SSBP2: variants seen among roughly 807,000 people sequenced by gnomAD.
SSBP2 encodes the protein single-stranded DNA-binding protein 2.
SSBP2 carries 17 observed loss-of-function variants against 61.8 expected under a neutral mutation model. That is an observed-to-expected ratio of 0.28 (90% CI 0.19 to 0.41). The LOEUF (loss-of-function observed/expected upper bound fraction) is 0.41. Ranked by LOEUF, SSBP2 falls within the 10% of genes least tolerant of loss-of-function variation. The pLI, the probability that SSBP2 is intolerant of heterozygous loss-of-function variation, is 1.00. For synonymous variants in SSBP2, 139 were observed against 141.3 expected (o/e 0.98, Z 0.12); for missense variants, 310 against 458.7 (o/e 0.68, Z 2.96).
In SSBP2 at chr5:81,418,166, A is replaced by C. The variant is rs999610368; in HGVS notation, c.*2338T>G. On this transcript the variant is annotated 3_prime_UTR_variant, in exon 17 of 17. Transcript: ENST00000320672. ...TTATATGATTGTCATAAAATATGAA[A>C]GTCAAAATTCTTCTTGGTAAAGTCA... 1.3e-5 allele frequency: 2 copies of C among 152,250 alleles called. No individual in the cohort carries two copies. Among genetic ancestry groups the C allele is most frequent in the African/African-American group, 2.4e-5 (1 of 41,474 alleles). The allele number at this position is 152,250 out of a possible 1,614,324, so 9.4% of individuals were successfully genotyped here.
intron 1 of SSBP2, among the ~76,000 whole-genome samples, chr5:81,735,728 AT>A (rs1756556533): frequency 6.6e-6 from 1 of 152,196 alleles, no homozygotes; most frequent in Non-Finnish European, 1.5e-5. Flanking sequence ...TAAAGAATTC[AT>A]GCTTTACAAA....
chr5:81,672,446 TA>T (rs1397612695), intron 1 of SSBP2, among the ~76,000 whole-genome samples: 6 of 152,078 alleles, frequency 3.9e-5, no homozygotes, highest in Non-Finnish European at 8.8e-5. Flanking sequence ...TTGTCTAAAA[TA>T]AATGTTTAAG....
chr5:81,465,012 T>C (rs767726002), intron 9 of SSBP2, among the ~76,000 whole-genome samples: 3 of 152,024 alleles, frequency 2.0e-5, no homozygotes, highest in African/African-American at 4.8e-5. Flanking sequence ...AATATAATAG[T>C]TACACTCTTA....
At chr5:81,525,982 T>C (rs1373199732) in intron 4 of SSBP2, among the ~76,000 whole-genome samples, 3 of 152,104 alleles carry the variant, frequency 2.0e-5, no homozygotes, top group Admixed American at 2.0e-4. Context: ...TGAATCATTG[T>C]AATTTTAGTT....
chr5:81,573,254 A>G (rs1773962329), intron 4 of SSBP2, among the ~76,000 whole-genome samples: 1 of 152,246 alleles, frequency 6.6e-6, no homozygotes, highest in South Asian at 2.1e-4. Flanking sequence ...TGTGAGGTAC[A>G]TATACATGGA....
chr5:81,688,164 T>C (rs190777602), intron 1 of SSBP2, among the ~76,000 whole-genome samples: 94 of 152,134 alleles, frequency 6.2e-4, no homozygotes, highest in African/African-American at 1.9e-3. Context: ...CCTGGGGTAA[T>C]AGGAGCCACA....
intron 1 of SSBP2, among the ~76,000 whole-genome samples, chr5:81,728,770 C>A (rs373751488): frequency 1.3e-5 from 2 of 152,114 alleles, no homozygotes; most frequent in Non-Finnish European, 2.9e-5. Context: ...AATTAACTTG[C>A]GCAAATGTCC....
In SSBP2 at chr5:81,678,918, TAAAG is replaced by T. The variant is rs1215380107; in HGVS notation, c.63-28583_63-28580del. On this transcript the variant is annotated intron_variant, in intron 1 of 16. Coordinates refer to ENST00000320672, the MANE Select transcript of SSBP2 (RefSeq NM_012446.5). ...AATTTTAAAATAAATTTTTCAGAGA[TAAAG>T]AAATTAACATCTGTCAGACTTGGGT... is the stretch of plus-strand genomic sequence containing the variant. Among the ~76,000 whole-genome samples the T allele has an allele frequency of 2.6e-5, 4 of 152,178 alleles. No individual in the cohort carries two copies. The South Asian group carries it at 6.2e-4, about 24-fold the overall frequency.
chr5:81,430,386 CAA>C (rs1413305737), intron 15 of SSBP2, among the ~76,000 whole-genome samples: 2 of 152,082 alleles, frequency 1.3e-5, no homozygotes, highest in Non-Finnish European at 2.9e-5. Flanking sequence ...CACAGTCAAA[CAA>C]AAGAGTAAAA....
At chr5:81,453,844 G>A (rs2153984754) in intron 10 of SSBP2, among the ~76,000 whole-genome samples, 1 of 152,192 alleles carries the variant, frequency 6.6e-6, no homozygotes, top group East Asian at 1.9e-4. Flanking sequence ...TAAAAATATG[G>A]AAAACTAAAG....
rs115975383 is a variant in SSBP2, at chr5:81,581,284, A to C, written c.282+34189T>G. Reference sequence around the variant, plus strand: ...CATATAATCCCTGAGGACATGAAGAATACTAAAGAGGCGACAGGATGGATA... The same window carrying C: ...CATATAATCCCTGAGGACATGAAGACTACTAAAGAGGCGACAGGATGGATA... On this transcript the variant is annotated intron_variant, in intron 4 of 16. Transcript: ENST00000320672. 4.1e-3 allele frequency among the ~76,000 whole-genome samples: 622 copies of C among 152,346 alleles called. 3 individuals carry two copies. The highest frequency in any genetic ancestry group is 0.014 in the African/African-American group (593 of 41,580).
At chr5:81,741,017 G>A (rs886733067) in intron 1 of SSBP2, among the ~76,000 whole-genome samples, 3 of 151,942 alleles carry the variant, frequency 2.0e-5, no homozygotes, top group Non-Finnish European at 4.4e-5. Flanking sequence ...CAATTTTTCC[G>A]CCATGTTAAG....
At chr5:81,656,342 G>A (rs984428849) in intron 1 of SSBP2, among the ~76,000 whole-genome samples, 11 of 152,044 alleles carry the variant, frequency 7.2e-5, no homozygotes, top group South Asian at 2.1e-4. Context: ...GAGCCATCAC[G>A]CCTGGCCAGA....
At chr5:81,485,112 A>G (rs944216826) in intron 6 of SSBP2, among the ~76,000 whole-genome samples, 6 of 152,180 alleles carry the variant, frequency 3.9e-5, no homozygotes, top group African/African-American at 1.4e-4. Context: ...CATGGGAAGG[A>G]TAAAGACTTG....
chr5:81,750,926 G>A lies in SSBP2; in HGVS notation c.62+55C>T, dbSNP rs1757725805. 8 of 1,535,424 alleles carry A rather than the reference G, an allele frequency of 5.2e-6. No individual in the cohort carries two copies. The South Asian group carries it at 5.9e-5, about 11-fold the overall frequency. On this transcript the variant is annotated intron_variant, in intron 1 of 16. Transcript: ENST00000320672. ...TGTCTCCCAGAGTGTGCGAGTGCGT[G>A]CGTGAGTGTGCGCGCGTGTGAAGGC... is the stretch of plus-strand genomic sequence containing the variant.
At chr5:81,451,637 G>A (rs1763779990) in intron 10 of SSBP2, among the ~76,000 whole-genome samples, 2 of 152,192 alleles carry the variant, frequency 1.3e-5, no homozygotes, top group Admixed American at 1.3e-4. Flanking sequence ...ATGTTGGCCA[G>A]GCGGGTCTCG....
At chr5:81,439,667 G>GTTT (rs61650905) in intron 14 of SSBP2, among the ~76,000 whole-genome samples, 16 of 100,152 alleles carry the variant, frequency 1.6e-4, no homozygotes, top group Non-Finnish European at 2.3e-4. Flanking sequence ...TGCCCAGCTA[G>GTTT]TTTTTTTTTT....
intron 1 of SSBP2, chr5:81,750,677 C>A (rs1327968117): frequency 7.1e-6 from 3 of 420,730 alleles, no homozygotes; most frequent in Non-Finnish European, 1.3e-5. Context: ...AAGGTGAACC[C>A]GCGGGTTATT....
chr5:81,744,611 GA>G (rs562652038), intron 1 of SSBP2, among the ~76,000 whole-genome samples: 77 of 145,084 alleles, frequency 5.3e-4, no homozygotes, highest in Admixed American at 1.6e-3. Context: ...TTTAAAACTA[GA>G]AAAAAAAAAA....
Sources: allele counts gnomAD v4.1 joint callset (sites outside exome capture counted in the v4.1 genomes callset), GRCh38; gene constraint gnomAD v4.1.1; transcripts MANE v1.5; gene names NCBI Gene and HGNC (gene_info 2026-07-23, HGNC 2026-07-21).